TMEM132C: variants seen among roughly 807,000 people sequenced by gnomAD.
TMEM132C encodes protein phosphatase 1, regulatory subunit 152.
TMEM132C carries 29 observed loss-of-function variants against 61.4 expected under a neutral mutation model. The observed-to-expected ratio is 0.47, with a 90% CI of 0.35 to 0.64. The LOEUF (loss-of-function observed/expected upper bound fraction) is 0.64. Among genes scored for constraint, TMEM132C ranks in the 30% least tolerant of loss-of-function variants. The pLI, the probability that TMEM132C is intolerant of heterozygous loss-of-function variation, is 0.00. For missense variants in TMEM132C, 1,408 were observed against 1,476.9 expected, an observed-to-expected ratio of 0.95 and a Z score of 0.76; for synonymous variants, 656 against 633.1, an observed-to-expected ratio of 1.04 and a Z score of -0.54.
intron 2 of TMEM132C, among the ~76,000 whole-genome samples, chr12:128,433,641 T>C (rs1026226860): frequency 6.6e-6 from 1 of 152,092 alleles, no homozygotes; most frequent in African/African-American, 2.4e-5. Flanking sequence ...TTGGGAAAAC[T>C]TAAGTGTTGA....
intron 2 of TMEM132C, among the ~76,000 whole-genome samples, chr12:128,456,878 C>T (rs1239765049): frequency 6.6e-6 from 1 of 152,142 alleles, no homozygotes; most frequent in Non-Finnish European, 1.5e-5. Flanking sequence ...TGAGTTTTGC[C>T]TCTTCTTTAA....
In TMEM132C at chr12:128,356,379, C is replaced by T. The variant is rs116076004; in HGVS notation, c.86-58353C>T. Among the ~76,000 whole-genome samples, 431 of 152,304 alleles carry T rather than the reference C, an allele frequency of 2.8e-3. 3 individuals are homozygous for T. Among genetic ancestry groups the T allele is most frequent in the African/African-American group, 0.01 (420 of 41,572 alleles). On this transcript the variant is annotated intron_variant, in intron 1 of 8. Transcript: ENST00000435159. ...CTCTGGCACACGAACCTAACCTATT[C>T]TCTGTCTCCTAAAGAGTTGAATTTG...
chr12:128,385,872 T>C (rs1230256168), intron 1 of TMEM132C, among the ~76,000 whole-genome samples: 1 of 152,172 alleles, frequency 6.6e-6, no homozygotes, highest in East Asian at 1.9e-4. Flanking sequence ...GTGGGTGCTG[T>C]CTGCTCCATG....
rs912107089 is a variant in TMEM132C at position 128,376,035 on chromosome 12, C to T, written c.86-38697C>T. Among the ~76,000 whole-genome samples, 8 of 152,128 alleles carry T rather than the reference C, an allele frequency of 5.3e-5. No individual in the cohort carries two copies. The East Asian group carries it at 7.7e-4, about 15-fold the overall frequency. ...CGGTGGGAAGCTTCAGAGTTTCAAG[C>T]GGGGCTTTGCTATGGGTTTGTTCTG... On this transcript the variant is annotated intron_variant, in intron 1 of 8. Transcript: ENST00000435159.
At chr12:128,554,775 G>A (rs1043737189) in intron 3 of TMEM132C, among the ~76,000 whole-genome samples, 1 of 152,186 alleles carries the variant, frequency 6.6e-6, no homozygotes, top group Non-Finnish European at 1.5e-5. Flanking sequence ...AGACGCTCCT[G>A]TATTTCCAGC....
chr12:128,589,233 G>A (rs966902579), intron 3 of TMEM132C, among the ~76,000 whole-genome samples: 47 of 151,940 alleles, frequency 3.1e-4, no homozygotes, highest in African/African-American at 1.1e-3. Context: ...AAGCGTTAGT[G>A]CAGAACGTGA....
chr12:128,548,027 G>A (rs1471121168), intron 3 of TMEM132C, among the ~76,000 whole-genome samples: 1 of 152,140 alleles, frequency 6.6e-6, no homozygotes, highest in Non-Finnish European at 1.5e-5. Context: ...ATACATAGAA[G>A]CCTTCTACAT....
chr12:128,657,294 G>A (rs991948537), intron 4 of TMEM132C, among the ~76,000 whole-genome samples: 1 of 152,254 alleles, frequency 6.6e-6, no homozygotes, highest in Non-Finnish European at 1.5e-5. Flanking sequence ...AGGAAGAAAG[G>A]GGAAGCCACA....
intron 2 of TMEM132C, among the ~76,000 whole-genome samples, chr12:128,462,707 G>C (rs1476442577): frequency 6.6e-6 from 1 of 152,072 alleles, no homozygotes; most frequent in Non-Finnish European, 1.5e-5. Flanking sequence ...CAGTAGTAGG[G>C]GGAGCAAAAA....
At chr12:128,692,657 C>T (rs1954728659) in intron 5 of TMEM132C, among the ~76,000 whole-genome samples, 1 of 152,174 alleles carries the variant, frequency 6.6e-6, no homozygotes, top group Admixed American at 6.5e-5. Flanking sequence ...TTTTACCGGT[C>T]ACAGTCCGCC....
intron 1 of TMEM132C, among the ~76,000 whole-genome samples, chr12:128,268,742 T>A (rs2135885821): frequency 6.6e-6 from 1 of 152,080 alleles, no homozygotes; most frequent in East Asian, 1.9e-4. Context: ...CAAAAGTCAT[T>A]CTGCACCGCC....
intron 2 of TMEM132C, among the ~76,000 whole-genome samples, chr12:128,417,058 C>CG (rs1159744747): frequency 6.6e-6 from 1 of 152,032 alleles, no homozygotes; most frequent in Admixed American, 6.6e-5. Context: ...ACTGAGGAGC[C>CG]GGGAGAGTCA....
At chr12:128,619,957 G>T (rs1325311678) in intron 4 of TMEM132C, among the ~76,000 whole-genome samples, 3 of 152,084 alleles carry the variant, frequency 2.0e-5, no homozygotes, top group Non-Finnish European at 2.9e-5. Context: ...AAGGCCAGGC[G>T]CGATGGCTCA....
chr12:128,521,939 A>G (rs1872919356), intron 2 of TMEM132C, among the ~76,000 whole-genome samples: 1 of 152,178 alleles, frequency 6.6e-6, no homozygotes, highest in Non-Finnish European at 1.5e-5. Flanking sequence ...GGTAAAGATT[A>G]CTGTAGAAAT....
At chr12:128,367,399 T>G (rs1447422814) in intron 1 of TMEM132C, among the ~76,000 whole-genome samples, 5 of 152,218 alleles carry the variant, frequency 3.3e-5, no homozygotes, top group African/African-American at 1.2e-4. Flanking sequence ...AAATAGCTTT[T>G]CTGGTGAGGT....
chr12:128,346,637 C>G (rs1431624302), intron 1 of TMEM132C, among the ~76,000 whole-genome samples: 1 of 151,932 alleles, frequency 6.6e-6, no homozygotes, highest in East Asian at 1.9e-4. Flanking sequence ...ACCTGTATTC[C>G]TAGATATTTT....
At chr12:128,357,530 A>G (rs1873548948) in intron 1 of TMEM132C, among the ~76,000 whole-genome samples, 1 of 152,000 alleles carries the variant, frequency 6.6e-6, no homozygotes, top group African/African-American at 2.4e-5. Flanking sequence ...CCCTGTCTCT[A>G]CTAAAAATAC....
chr12:128,522,370 A>T (rs1455162559), intron 2 of TMEM132C, among the ~76,000 whole-genome samples: 1 of 152,190 alleles, frequency 6.6e-6, no homozygotes, highest in Non-Finnish European at 1.5e-5. Flanking sequence ...AGCCTCCTCC[A>T]TCAAAGGCTT....
chr12:128,410,280 T>G (rs752975422), intron 1 of TMEM132C, among the ~76,000 whole-genome samples: 2 of 152,188 alleles, frequency 1.3e-5, no homozygotes, highest in Non-Finnish European at 2.9e-5. Flanking sequence ...TGACCATGTT[T>G]CCTTTCACCT....
Sources: allele counts gnomAD v4.1 joint callset (sites outside exome capture counted in the v4.1 genomes callset), GRCh38; gene constraint gnomAD v4.1.1; transcripts MANE v1.5; gene names NCBI Gene and HGNC (gene_info 2026-07-23, HGNC 2026-07-21).